KCTD16: variants seen among roughly 807,000 people sequenced by gnomAD.
KCTD16 encodes BTB/POZ domain-containing protein KCTD16.
In KCTD16, 13 loss-of-function variants were observed where a neutral mutation model predicts 33.2. That is an observed-to-expected ratio of 0.39 (90% confidence interval 0.25 to 0.62). The LOEUF is 0.62. Among genes scored for constraint, KCTD16 ranks in the 20% least tolerant of loss-of-function variants. The pLI, the probability that KCTD16 is intolerant of heterozygous loss-of-function variation, is 0.50. For synonymous variants in KCTD16, 197 were observed against 195.3 expected, an observed-to-expected ratio of 1.01 and a Z score of -0.07; for missense variants, 441 against 525.1, an observed-to-expected ratio of 0.84 and a Z score of 1.57.
chr5:144,249,342 A>G (rs928546570), intron 3 of KCTD16, among the ~76,000 whole-genome samples: 1 of 152,080 alleles, frequency 6.6e-6, no homozygotes, highest in African/African-American at 2.4e-5. Flanking sequence ...TTTTGTAATC[A>G]TTATAATTAT....
At chr5:144,469,182 A>G (rs1027758529) in intron 3 of KCTD16, among the ~76,000 whole-genome samples, 3 of 152,152 alleles carry the variant, frequency 2.0e-5, no homozygotes, top group South Asian at 4.1e-4. Flanking sequence ...TTTCAAGTCA[A>G]TCTTTATCCT....
At position 144,477,167 on chromosome 5, in the gene KCTD16, G is replaced by C. The variant is rs1184048963; in HGVS notation, c.*3053G>C. On this transcript the variant is annotated 3_prime_UTR_variant, in exon 4 of 4. Coordinates refer to ENST00000512467, the MANE Select transcript of KCTD16 (RefSeq NM_020768.4). ...ACTGATCTGCATTCAGCAGGAAAAGGGGAAGACAGGAATGTAAAACTACTA... is the reference window on the plus strand; with the variant it reads ...ACTGATCTGCATTCAGCAGGAAAAGCGGAAGACAGGAATGTAAAACTACTA... 1 of 151,984 alleles carries C rather than the reference G, an allele frequency of 6.6e-6. No homozygotes were observed. 9.4% of individuals were successfully genotyped at this position (151,984 alleles called of 1,614,324 possible). A position where few individuals can be genotyped will look rare whatever the true frequency, so the allele number is the denominator to read the frequency against.
At chr5:144,354,294 A>G (rs1269056982) in intron 3 of KCTD16, among the ~76,000 whole-genome samples, 1 of 152,146 alleles carries the variant, frequency 6.6e-6, no homozygotes, top group Admixed American at 6.6e-5. Context: ...TACCATGTTG[A>G]TATGATCATT....
chr5:144,351,196 C>G (rs1160256468), intron 3 of KCTD16, among the ~76,000 whole-genome samples: 1 of 152,088 alleles, frequency 6.6e-6, no homozygotes, highest in African/African-American at 2.4e-5. Context: ...TCATCTTTCC[C>G]TTTTTTATTC....
At chr5:144,351,492 G>A (rs1004098514) in intron 3 of KCTD16, among the ~76,000 whole-genome samples, 1 of 152,092 alleles carries the variant, frequency 6.6e-6, no homozygotes, top group African/African-American at 2.4e-5. Flanking sequence ...AGAATATGGA[G>A]GTTCCTTAAA....
intron 3 of KCTD16, among the ~76,000 whole-genome samples, chr5:144,347,815 A>T (rs1214483833): frequency 6.6e-6 from 1 of 151,962 alleles, no homozygotes; most frequent in Non-Finnish European, 1.5e-5. Context: ...ATCTGGGGGG[A>T]TCTCTTCTGC....
At chr5:144,363,577 G>A (rs899850348) in intron 3 of KCTD16, among the ~76,000 whole-genome samples, 22 of 151,910 alleles carry the variant, frequency 1.4e-4, no homozygotes, top group African/African-American at 5.1e-4. Context: ...ATATGAATAT[G>A]TGATAAGTTC....
chr5:144,317,237 G>GA (rs1304488845), intron 3 of KCTD16, among the ~76,000 whole-genome samples: 6 of 152,108 alleles, frequency 3.9e-5, no homozygotes, highest in East Asian at 1.9e-4. Flanking sequence ...CCCCAGGAAG[G>GA]AAAAAATCTA....
chr5:144,389,712 CA>C (rs1752408629), intron 3 of KCTD16, among the ~76,000 whole-genome samples: 2 of 152,012 alleles, frequency 1.3e-5, no homozygotes, highest in Non-Finnish European at 2.9e-5. Flanking sequence ...TCCCCTGTGC[CA>C]AAACAGTTGA....
rs1236197001 is a variant in KCTD16, at chr5:144,476,550, AC to A, written c.*2437del. ...AGAAAACCTGTTTAAAACCATCACAACAGCAATATTTTTATTCTGGGCCACC... is the reference window on the plus strand; with the variant it reads ...AGAAAACCTGTTTAAAACCATCACAAAGCAATATTTTTATTCTGGGCCACC... On this transcript the variant is annotated 3_prime_UTR_variant, in exon 4 of 4. Coordinates refer to ENST00000512467, the MANE Select transcript of KCTD16 (RefSeq NM_020768.4). The A allele has an allele frequency of 2.0e-5, 3 of 152,154 alleles. No homozygotes were observed. The highest frequency in any genetic ancestry group is 7.2e-5 in the African/African-American group (3 of 41,438). The allele number at this position is 152,154 out of a possible 1,614,324, so 9.4% of individuals were successfully genotyped here. A position where few individuals can be genotyped will look rare whatever the true frequency, so the allele number is the denominator to read the frequency against.
At chr5:144,312,388 C>G (rs1443121472) in intron 3 of KCTD16, among the ~76,000 whole-genome samples, 2 of 152,162 alleles carry the variant, frequency 1.3e-5, no homozygotes, top group African/African-American at 4.8e-5. Context: ...AATGCAGCTT[C>G]AAGATAAGCT....
In KCTD16 at chr5:144,210,745, A is replaced by G. The variant is rs140038758; in HGVS notation, c.832+3199A>G. On this transcript the variant is annotated intron_variant, in intron 3 of 3. Transcript: ENST00000512467. ...TAAATGAACCTTTATTTCCAGAGCC[A>G]TCTTCTGATGCCTGAGAGAGTGGGA... is the stretch of plus-strand genomic sequence containing the variant. Among the ~76,000 whole-genome samples the G allele has an allele frequency of 3.9e-4, 60 of 152,272 alleles. No individual in the cohort carries two copies. In the East Asian group the frequency reaches 0.01, roughly 25 times the overall value.
chr5:144,458,620 C>T (rs1440553982), intron 3 of KCTD16, among the ~76,000 whole-genome samples: 1 of 152,212 alleles, frequency 6.6e-6, no homozygotes, highest in Non-Finnish European at 1.5e-5. Flanking sequence ...TATTCAGCTT[C>T]AGGTGCTGGG....
At chr5:144,356,576 T>C (rs1425400089) in intron 3 of KCTD16, among the ~76,000 whole-genome samples, 1 of 152,188 alleles carries the variant, frequency 6.6e-6, no homozygotes. Flanking sequence ...CAGTTCCTAA[T>C]GTGTGTTTGT....
At position 144,365,265 on chromosome 5, in the gene KCTD16, G is replaced by T. The variant is rs1751806534; in HGVS notation, c.833-108395G>T. On this transcript the variant is annotated intron_variant, in intron 3 of 3. Coordinates refer to ENST00000512467, the MANE Select transcript of KCTD16 (RefSeq NM_020768.4). ...CATAGCTAATATTTTATTTTGTACT[G>T]GAGTGGGTTTGGTAGAAAAAAATAA... Among the ~76,000 whole-genome samples, 2 of 152,036 alleles carry T rather than the reference G, an allele frequency of 1.3e-5. 1 individual carries two copies. Among genetic ancestry groups the T allele is most frequent in the African/African-American group, 4.8e-5 (2 of 41,388 alleles).
intron 3 of KCTD16, among the ~76,000 whole-genome samples, chr5:144,455,163 C>A (rs904364140): frequency 6.6e-6 from 1 of 151,938 alleles, no homozygotes; most frequent in Non-Finnish European, 1.5e-5. Context: ...TTTCCCCCAA[C>A]AGAGGCGCAT....
intron 3 of KCTD16, among the ~76,000 whole-genome samples, chr5:144,352,767 A>G (rs140693376): frequency 1.2e-4 from 19 of 152,336 alleles, no homozygotes; most frequent in South Asian, 4.1e-4. Context: ...TTAACATGTG[A>G]AGTCAGAACA....
At chr5:144,468,497 A>G (rs1754398370) in intron 3 of KCTD16, among the ~76,000 whole-genome samples, 1 of 152,246 alleles carries the variant, frequency 6.6e-6, no homozygotes, top group Non-Finnish European at 1.5e-5. Flanking sequence ...AAAACGGTCA[A>G]CTGCAAGCAA....
chr5:144,371,148 G>T (rs1446047855), intron 3 of KCTD16, among the ~76,000 whole-genome samples: 3 of 152,128 alleles, frequency 2.0e-5, no homozygotes, highest in Non-Finnish European at 4.4e-5. Flanking sequence ...AGTTTGGGTG[G>T]TTTTTGCCAC....
Sources: allele counts gnomAD v4.1 joint callset (sites outside exome capture counted in the v4.1 genomes callset), GRCh38; gene constraint gnomAD v4.1.1; transcripts MANE v1.5; gene names NCBI Gene and HGNC (gene_info 2026-07-23, HGNC 2026-07-21).